Variants in SVEP1 observed in about 807,000 individuals in gnomAD.
SVEP1 encodes the protein sushi, von Willebrand factor type A, EGF and pentraxin domain containing 1.
SVEP1 carries 164 observed loss-of-function variants against 367.3 expected under a neutral mutation model. The observed-to-expected ratio is 0.45, with a 90% CI of 0.39 to 0.51. The LOEUF (loss-of-function observed/expected upper bound fraction) is 0.51. Among genes scored for constraint, SVEP1 ranks in the 20% least tolerant of loss-of-function variants. The probability of loss-of-function intolerance (pLI) is 0.00; values close to 1 mark genes in which losing one functional copy is unlikely to be tolerated. For synonymous variants in SVEP1, 1,666 were observed against 1,611.6 expected (o/e 1.03, Z -0.81); for missense variants, 4,117 against 4,425.3 (o/e 0.93, Z 1.98).
At chr9:110,441,931 C>T (rs1347389741) in intron 27 of SVEP1, among the ~76,000 whole-genome samples, 1 of 152,198 alleles carries the variant, frequency 6.6e-6, no homozygotes, top group East Asian at 1.9e-4. Context: ...AATCCTTAAC[C>T]TACACCACAT....
intron 1 of SVEP1, among the ~76,000 whole-genome samples, chr9:110,555,902 A>C (rs764199393): frequency 6.6e-6 from 1 of 152,252 alleles, no homozygotes; most frequent in African/African-American, 2.4e-5. Context: ...AGAAGTAAAT[A>C]GATCTGTGGT....
chr9:110,513,706 C>T (rs558506269), intron 4 of SVEP1, among the ~76,000 whole-genome samples: 2 of 152,138 alleles, frequency 1.3e-5, no homozygotes, highest in South Asian at 4.1e-4. Context: ...AAGTACTAAG[C>T]CTTTCTGATT....
chr9:110,504,670 C>T (rs920079764), intron 5 of SVEP1, among the ~76,000 whole-genome samples: 3 of 151,692 alleles, frequency 2.0e-5, no homozygotes, highest in Non-Finnish European at 2.9e-5. Context: ...TCCCTGATAC[C>T]AGCTATACAC....
intron 45 of SVEP1, among the ~76,000 whole-genome samples, chr9:110,376,553 T>TTATAAA (rs1054917100): frequency 4.6e-5 from 7 of 152,352 alleles, no homozygotes; most frequent in East Asian, 1.9e-4. Context: ...TTTTAGTCTC[T>TTATAAA]TATAAAATTC....
chr9:110,451,635 C>T (rs1417224189), intron 22 of SVEP1, among the ~76,000 whole-genome samples: 1 of 152,118 alleles, frequency 6.6e-6, no homozygotes, highest in Admixed American at 6.5e-5. Context: ...CCACGAATAT[C>T]TGACCATATT....
At chr9:110,473,033 A>C (rs1345800811) in intron 14 of SVEP1, among the ~76,000 whole-genome samples, 1 of 152,160 alleles carries the variant, frequency 6.6e-6, no homozygotes, top group Non-Finnish European at 1.5e-5. Context: ...TACCTGATAG[A>C]TTTGTCTGTG....
At chr9:110,436,546 T>C (rs1225461872) in intron 27 of SVEP1, 42 bp from the exon 28 acceptor site, 1 of 1,590,690 alleles carries the variant, frequency 6.3e-7, no homozygotes, top group East Asian at 2.3e-5. Context: ...AAAACTGGCC[T>C]GATGGTCTGT....
intron 5 of SVEP1, among the ~76,000 whole-genome samples, chr9:110,507,543 T>C (rs974865747): frequency 6.6e-6 from 1 of 152,232 alleles, no homozygotes; most frequent in African/African-American, 2.4e-5. Flanking sequence ...GATTAGATCA[T>C]AAACCCTAGC....
chr9:110,559,807 AG>A (rs1830401727), intron 1 of SVEP1, among the ~76,000 whole-genome samples: 1 of 152,200 alleles, frequency 6.6e-6, no homozygotes, highest in South Asian at 2.1e-4. Context: ...AACAATATAA[AG>A]TTCCAACAAC....
At chr9:110,485,607 G>T (rs572257316) in intron 9 of SVEP1, among the ~76,000 whole-genome samples, 23 of 152,208 alleles carry the variant, frequency 1.5e-4, no homozygotes, top group Non-Finnish European at 2.8e-4. Flanking sequence ...ATTAAAAAGA[G>T]GGTGTATAGA....
In SVEP1 at chr9:110,513,070, C is replaced by A; in HGVS notation, c.1159G>T (p.Gly387Cys). ...HCPALKPPEN[G>C]YFIQNTCNNH... The stretch of plus-strand genomic sequence containing the variant: ...TTGCAAGTGTTTTGGATAAAGTAAC[C>A]ATTTTCGGGAGGCTTCAGGGCAGGG... Residue 387 changes from glycine (G) to cysteine (C), a missense_variant, in exon 5 of 48, where the codon GGT becomes TGT. Physicochemically the swap from Gly to Cys is radical, Grantham distance 159 (BLOSUM62 -3). Transcript: ENST00000374469. 1 of 1,613,868 alleles carries A rather than the reference C, an allele frequency of 6.2e-7. No individual in the cohort carries two copies. Among genetic ancestry groups the A allele is most frequent in the South Asian group, 1.1e-5 (1 of 91,074 alleles).
chr9:110,502,773 A>T (rs1829554928), intron 6 of SVEP1, among the ~76,000 whole-genome samples: 1 of 152,252 alleles, frequency 6.6e-6, no homozygotes, highest in South Asian at 2.1e-4. Flanking sequence ...GGCCTCAATT[A>T]AAACTAAGAA....
At chr9:110,491,558 C>CTA (rs1829366041) in intron 8 of SVEP1, among the ~76,000 whole-genome samples, 1 of 148,014 alleles carries the variant, frequency 6.8e-6, no homozygotes, top group Non-Finnish European at 1.5e-5. Context: ...TAACCTATTA[C>CTA]TATATATAGC....
intron 8 of SVEP1, among the ~76,000 whole-genome samples, chr9:110,494,747 T>C (rs148221576): frequency 3.3e-5 from 5 of 152,236 alleles, no homozygotes; most frequent in African/African-American, 9.6e-5. Flanking sequence ...TTACAATAAA[T>C]ATAGTGGGGT....
chr9:110,507,174 A>G (rs1829638780), intron 5 of SVEP1, among the ~76,000 whole-genome samples: 1 of 152,264 alleles, frequency 6.6e-6, no homozygotes, highest in Admixed American at 6.5e-5. Context: ...AATAAAGTTC[A>G]GTTTCCTCTC....
At position 110,489,758 on chromosome 9, in the gene SVEP1, C is replaced by T; in HGVS notation, c.1822G>A (p.Ala608Thr). 6.2e-7 allele frequency: 1 copy of T among 1,613,138 alleles called. No individual in the cohort carries two copies. Among genetic ancestry groups the T allele is most frequent in the Non-Finnish European group, 8.5e-7 (1 of 1,179,416 alleles). Reference sequence around the variant, plus strand: ...GGGAAAAGGTAAGGTGGGGTGAAAGCTGGATGAACGTGGACTGACACCTAT... The same window carrying T: ...GGGAAAAGGTAAGGTGGGGTGAAAGTTGGATGAACGTGGACTGACACCTAT... ...GEKVSVHVHP[A>T]FTPPYLFPIG... Residue 608 changes from alanine (A) to threonine (T), a missense_variant, in exon 9 of 48, where the codon GCT becomes ACT. Around this residue, in one of 4 missense-constraint regions of SVEP1, gnomAD observed 2,174 missense variants for 2,494.3 expected, o/e 0.87. Transcript: ENST00000374469.
chr9:110,513,092 A>G lies in SVEP1; in HGVS notation c.1137T>C (p.Pro379=), dbSNP rs779039010. 8.7e-6 allele frequency: 14 copies of G among 1,612,092 alleles called. No individual in the cohort carries two copies. The highest frequency in any genetic ancestry group is 1.2e-5 in the Non-Finnish European group (14 of 1,178,486). The change falls in exon 5 of 48, where the codon CCT becomes CCC. Residue 379 remains proline, a synonymous_variant. Transcript: ENST00000374469. The part of the protein sequence containing the change: ...SGQTCELVHC[P]ALKPPENGYF... ...AACCATTTTCGGGAGGCTTCAGGGC[A>G]GGGCAGTGGACAACTAACATTTACA...
At chr9:110,556,212 T>C (rs1372837126) in intron 1 of SVEP1, among the ~76,000 whole-genome samples, 5 of 152,172 alleles carry the variant, frequency 3.3e-5, no homozygotes. Flanking sequence ...TGCAGGGTTG[T>C]GTAATATTGT....
intron 1 of SVEP1, among the ~76,000 whole-genome samples, chr9:110,578,443 T>C (rs1447694108): frequency 6.6e-6 from 1 of 152,152 alleles, no homozygotes; most frequent in Non-Finnish European, 1.5e-5. Context: ...TAGATATTTC[T>C]ATATGTTTCT....
Sources: allele counts gnomAD v4.1 joint callset (sites outside exome capture counted in the v4.1 genomes callset), GRCh38; gene constraint gnomAD v4.1.1; regional missense constraint gnomAD v4.1.1; transcripts MANE v1.5; gene names NCBI Gene and HGNC (gene_info 2026-07-23, HGNC 2026-07-21).